The following ANO2 variants were observed in gnomAD, a reference collection of about 807,000 sequenced individuals.
ANO2 encodes anoctamin 2.
Under a neutral mutation model 124.2 loss-of-function variants are expected in ANO2, and 101 were observed. The ratio of observed to expected loss-of-function variants is 0.81; its 90% CI spans 0.69 to 0.96. The LOEUF is 0.96. Ranked by LOEUF, ANO2 falls within the 40% of genes least tolerant of loss-of-function variation. The pLI is 0.00. For synonymous variants in ANO2, 486 were observed against 482.5 expected, an observed-to-expected ratio of 1.01 and a Z score of -0.09; for missense variants, 1,293 against 1,274.5, an observed-to-expected ratio of 1.01 and a Z score of -0.22.
At chr12:5,869,468 AG>A (rs979523564) in intron 3 of ANO2, among the ~76,000 whole-genome samples, 1 of 152,186 alleles carries the variant, frequency 6.6e-6, no homozygotes, top group African/African-American at 2.4e-5. Flanking sequence ...AATAAAAATG[AG>A]GGTGGGCATC....
chr12:5,651,002 T>C (rs1946889343), intron 14 of ANO2, among the ~76,000 whole-genome samples: 1 of 152,250 alleles, frequency 6.6e-6, no homozygotes. Flanking sequence ...TTGTCCCACC[T>C]AAGTGGCCCA....
chr12:5,885,461 C>T (rs765662064), intron 3 of ANO2, among the ~76,000 whole-genome samples: 51 of 152,316 alleles, frequency 3.3e-4, no homozygotes, highest in Admixed American at 5.9e-4. Flanking sequence ...ACTTTAAATG[C>T]GCAGATTACC....
At chr12:5,654,111 T>C (rs1947048910) in intron 14 of ANO2, among the ~76,000 whole-genome samples, 1 of 152,208 alleles carries the variant, frequency 6.6e-6, no homozygotes, top group African/African-American at 2.4e-5. Context: ...GACTTCTAAC[T>C]AGCAGATAGC....
chr12:5,934,637 T>C (rs1184142435), intron 1 of ANO2, among the ~76,000 whole-genome samples: 3 of 152,172 alleles, frequency 2.0e-5, no homozygotes, highest in Non-Finnish European at 4.4e-5. Flanking sequence ...ATGCCCCTCC[T>C]TACATGTCAT....
At chr12:5,764,595 G>A (rs574937478) in intron 10 of ANO2, among the ~76,000 whole-genome samples, 8 of 152,106 alleles carry the variant, frequency 5.3e-5, no homozygotes, top group Non-Finnish European at 1.0e-4. Context: ...AGAAAATGTT[G>A]GGCATGAGAC....
At chr12:5,937,291 T>C (rs4508258) in intron 1 of ANO2, among the ~76,000 whole-genome samples, 5,421 of 152,300 alleles carry the variant, frequency 0.036, 256 homozygotes, top group African/African-American at 0.11. Context: ...AGTTTTGATT[T>C]GCATTTCCCT....
rs757415742 is a variant in ANO2, at chr12:5,832,597, C to T, written c.640G>A (p.Glu214Lys). The T allele has an allele frequency of 1.3e-5, 21 of 1,612,088 alleles. No homozygotes were observed. Among genetic ancestry groups the T allele is most frequent in the African/African-American group, 4.0e-5 (3 of 74,850 alleles). ...GCAATGCTGCCTCCTGCTTTGATCT[C>T]GTACATCTATGAAAGGAAGAGCCAC... Reference protein sequence around the residue: ...KIKVPTKKMYEIKAGGSIAKK... With the variant: ...KIKVPTKKMYKIKAGGSIAKK... The change falls in exon 5 of 25, where the codon GAG becomes AAG. Residue 214 changes from glutamate to lysine, a missense_variant. Physicochemically the swap from Glu to Lys is moderately conservative, Grantham distance 56. Coordinates refer to ENST00000682330, the MANE Select transcript of ANO2 (RefSeq NM_001364791.2).
intron 4 of ANO2, among the ~76,000 whole-genome samples, chr12:5,847,179 G>C (rs528382762): frequency 6.6e-6 from 1 of 152,202 alleles, no homozygotes; most frequent in Non-Finnish European, 1.5e-5. Context: ...CAAAAAGGCT[G>C]ACCTTCCCAC....
chr12:5,747,660 C>T (rs1951307451), intron 11 of ANO2, among the ~76,000 whole-genome samples: 1 of 152,176 alleles, frequency 6.6e-6, no homozygotes, highest in South Asian at 2.1e-4. Flanking sequence ...TATGCAAATA[C>T]ATACCCTCAC....
intron 3 of ANO2, among the ~76,000 whole-genome samples, chr12:5,911,889 C>T (rs1941072748): frequency 6.6e-6 from 1 of 152,198 alleles, no homozygotes; most frequent in Non-Finnish European, 1.5e-5. Context: ...CCTATGATCC[C>T]ATCTTCTCAC....
In ANO2 at chr12:5,771,368, G is replaced by A. The variant is rs1166673454; in HGVS notation, c.1056-20398C>T. Among the ~76,000 whole-genome samples, 133 of 152,102 alleles carry A rather than the reference G, an allele frequency of 8.7e-4. 1 individual carries two copies. Among genetic ancestry groups the A allele is most frequent in the Non-Finnish European group, 5.9e-5 (4 of 68,046 alleles). On this transcript the variant is annotated intron_variant, in intron 10 of 24. Transcript: ENST00000682330. ...TTCAACCTATGCTTACCCATGACATGTGTCTTTTAAGTAACAGTGTAGATG... is the reference window on the plus strand; with the variant it reads ...TTCAACCTATGCTTACCCATGACATATGTCTTTTAAGTAACAGTGTAGATG...
At position 5,801,282 on chromosome 12, in the gene ANO2, C is replaced by G. The variant is rs116133643; in HGVS notation, c.991-1711G>C. Among the ~76,000 whole-genome samples the G allele has an allele frequency of 5.3e-3, 813 of 152,202 alleles. 11 individuals carry two copies. Among genetic ancestry groups the G allele is most frequent in the African/African-American group, 0.019 (779 of 41,522 alleles). The stretch of plus-strand genomic sequence containing the variant: ...GTCTCACTAAACCTGTGTATCAATC[C>G]CAGTAAATAAAATCATTCAGTAAAG... On this transcript the variant is annotated intron_variant, in intron 9 of 24. Transcript: ENST00000682330.
chr12:5,689,201 C>T (rs1449320702), intron 14 of ANO2, among the ~76,000 whole-genome samples: 3 of 151,898 alleles, frequency 2.0e-5, no homozygotes, highest in Non-Finnish European at 4.4e-5. Context: ...GAGGTTGGTA[C>T]CAAAAGCAAG....
chr12:5,603,320 A>T (rs892858908), intron 19 of ANO2, among the ~76,000 whole-genome samples: 6 of 152,224 alleles, frequency 3.9e-5, no homozygotes, highest in African/African-American at 1.4e-4. Context: ...CAATAAAACA[A>T]GAGTGACCAA....
intron 3 of ANO2, chr12:5,856,709 G>GCTGGCT (rs1955109470): frequency 2.6e-5 from 4 of 152,200 alleles, no homozygotes; most frequent in Admixed American, 6.5e-5. Flanking sequence ...CAAGAGAGAA[G>GCTGGCT]CTGGCTCTGG....
chr12:5,829,726 A>T (rs1424138395), intron 6 of ANO2, among the ~76,000 whole-genome samples: 6 of 152,194 alleles, frequency 3.9e-5, no homozygotes, highest in Non-Finnish European at 8.8e-5. Flanking sequence ...ATAGAGAATA[A>T]ACTGATCGGT....
chr12:5,570,331 G>C (rs1216875043), intron 23 of ANO2, among the ~76,000 whole-genome samples: 1 of 152,138 alleles, frequency 6.6e-6, no homozygotes, highest in African/African-American at 2.4e-5. Flanking sequence ...CCCTATTACT[G>C]TTGGAAGGAT....
chr12:5,576,115 C>T (rs978336308), intron 22 of ANO2, 100 bp from the exon 23 acceptor site: 12 of 1,225,548 alleles, frequency 9.8e-6, no homozygotes, highest in Non-Finnish European at 1.3e-5. Flanking sequence ...CTGACTGATA[C>T]AGAAGCTCAT....
At chr12:5,686,996 C>T (rs923815068) in intron 14 of ANO2, among the ~76,000 whole-genome samples, 6 of 152,138 alleles carry the variant, frequency 3.9e-5, no homozygotes, top group African/African-American at 1.4e-4. Flanking sequence ...CATGCACATG[C>T]CCTTATCTGG....
Sources: allele counts gnomAD v4.1 joint callset (sites outside exome capture counted in the v4.1 genomes callset), GRCh38; gene constraint gnomAD v4.1.1; transcripts MANE v1.5; gene names NCBI Gene and HGNC (gene_info 2026-07-23, HGNC 2026-07-21).